The following DNASE1 variants were observed in gnomAD, a reference collection of about 807,000 sequenced individuals.
The protein encoded by DNASE1 is deoxyribonuclease-1.
DNASE1 carries 40 observed loss-of-function variants against 33.9 expected under a neutral mutation model. The observed-to-expected ratio is 1.18, with a 90% CI of 0.92 to 1.54. DNASE1 has a LOEUF of 1.54. Ranked by LOEUF, DNASE1 falls within the 40% of genes most tolerant of loss-of-function variation. The probability of loss-of-function intolerance (pLI) is 0.00; values close to 1 mark genes in which losing one functional copy is unlikely to be tolerated. For synonymous variants in DNASE1, 216 were observed against 160.0 expected, an observed-to-expected ratio of 1.35 and a Z score of -2.64; for missense variants, 518 against 372.6, an observed-to-expected ratio of 1.39 and a Z score of -3.21.
At chr16:3,640,882 G>A (rs1342055493), upstream of DNASE1, 5 of 398,478 alleles carry the variant, frequency 1.3e-5, no homozygotes, top group African/African-American at 8.2e-5. Context: ...GGGCTCAAGC[G>A]AGGACAGGAG....
At chr16:3,621,966 A>T (rs1298679878) in intron 1 of DNASE1, among the ~76,000 whole-genome samples, 1 of 152,208 alleles carries the variant, frequency 6.6e-6, no homozygotes, top group Non-Finnish European at 1.5e-5. Flanking sequence ...CATGCCTGTA[A>T]TGCCAGTACT....
intron 4 of DNASE1, among the ~76,000 whole-genome samples, 191 bp downstream of exon 4, chr16:3,656,376 C>T (rs938459884): frequency 2.0e-5 from 3 of 149,422 alleles, no homozygotes; most frequent in Non-Finnish European, 4.5e-5. Context: ...CCCCCGCCCT[C>T]CTGTCGCCTG....
chr16:3,655,238 A>G, intron 1 of DNASE1, 135 bp from the exon 2 acceptor site: 3 of 1,240,662 alleles, frequency 2.4e-6, no homozygotes, highest in Non-Finnish European at 3.3e-6. Context: ...CGTTGTAGGA[A>G]AGGGTTTCCC....
intron 1 of DNASE1, among the ~76,000 whole-genome samples, chr16:3,620,523 A>G (rs2041270281): frequency 6.6e-6 from 1 of 151,902 alleles, no homozygotes; most frequent in African/African-American, 2.4e-5. Context: ...TGTCTCAAAA[A>G]AAAAAAAAAA....
chr16:3,617,445 T>C (rs1221319182), intron 1 of DNASE1, among the ~76,000 whole-genome samples: 2 of 151,872 alleles, frequency 1.3e-5, no homozygotes, highest in Admixed American at 6.6e-5. Flanking sequence ...AATAATGAAT[T>C]GGATTTAATC....
chr16:3,633,952 G>A (rs1019790861), intron 1 of DNASE1, among the ~76,000 whole-genome samples: 3 of 151,834 alleles, frequency 2.0e-5, no homozygotes, highest in African/African-American at 7.3e-5. Context: ...GGGGCTACAG[G>A]TGCCCACCAC....
chr16:3,656,848 C>A (rs1047911756), intron 5 of DNASE1, 95 bp downstream of exon 5: 1 of 1,536,998 alleles, frequency 6.5e-7, no homozygotes, highest in African/African-American at 1.4e-5. Flanking sequence ...ACACACTGCC[C>A]TCCCAGTCCC....
At chr16:3,653,841 A>AAAAAAG (rs781310896), upstream of DNASE1, 6 of 125,166 alleles carry the variant, frequency 4.8e-5, no homozygotes, top group East Asian at 2.4e-4. Flanking sequence ...AAAAAAAAAA[A>AAAAAAG]CTGAGCATGG....
At position 3,663,717 on chromosome 16, in the gene DNASE1, A is replaced by G. The variant is rs76345172; in HGVS notation, c.*5764A>G. The G allele has an allele frequency of 7.6e-3, 6,507 of 855,504 alleles. 286 individuals carry two copies. In the African/African-American group the frequency reaches 0.097, roughly 13 times the overall value. 53.0% of individuals were successfully genotyped at this position (855,504 alleles called of 1,614,324 possible). On this transcript the variant is annotated 3_prime_UTR_variant, in exon 10 of 10. Coordinates refer to the DNASE1 transcript ENST00000407479. Reference sequence around the variant, plus strand: ...TTCCTAGGCCTGCATGACAGTTACTACGACACCTGGGTCTAAGGAAGGCTC... The same window carrying G: ...TTCCTAGGCCTGCATGACAGTTACTGCGACACCTGGGTCTAAGGAAGGCTC...
At chr16:3,622,364 T>C (rs2041352638) in intron 1 of DNASE1, among the ~76,000 whole-genome samples, 1 of 152,116 alleles carries the variant, frequency 6.6e-6, no homozygotes, top group Non-Finnish European at 1.5e-5. Context: ...TCTTGTAGCT[T>C]TACTTTACAT....
chr16:3,654,939 C>T lies in DNASE1; in HGVS notation c.-107C>T, dbSNP rs1043440926. 4 of 460,194 alleles carry T rather than the reference C, an allele frequency of 8.7e-6. No homozygotes were observed. The highest frequency in any genetic ancestry group is 3.8e-5 in the Admixed American group (1 of 26,174). 28.5% of individuals were successfully genotyped at this position (460,194 alleles called of 1,614,324 possible). ...TTCTTCAGAGACCTTTCTTCATAGA[C>T]TACTTTTTTTTCTTTAAGCAGCAAA... On this transcript the variant is annotated 5_prime_UTR_variant, in exon 1 of 9. Transcript: ENST00000246949.
Position 3,663,454 on chromosome 16 carries a change from T to C in DNASE1, c.*5501T>C, listed in dbSNP as rs763973339. 2.7e-5 allele frequency: 44 copies of C among 1,614,096 alleles called. No individual in the cohort carries two copies. Among genetic ancestry groups the C allele is most frequent in the South Asian group, 2.0e-4 (18 of 91,078 alleles). On this transcript the variant is annotated 3_prime_UTR_variant, in exon 10 of 10. Coordinates refer to the DNASE1 transcript ENST00000407479. ...GACCTGTCCTCAAACTTCTCCTCCT[T>C]GTAGTGATCCACGACTATGTCCGTC...
At chr16:3,619,314 G>T (rs1305424598) in intron 1 of DNASE1, among the ~76,000 whole-genome samples, 3 of 152,114 alleles carry the variant, frequency 2.0e-5, no homozygotes, top group Middle Eastern at 3.4e-3. Flanking sequence ...GGGATTACAG[G>T]CATGAGCCAC....
chr16:3,656,856 C>T, intron 5 of DNASE1, 103 bp downstream of exon 5: 1 of 1,541,512 alleles, frequency 6.5e-7, no homozygotes, highest in Non-Finnish European at 8.8e-7. Flanking sequence ...CCCTCCCAGT[C>T]CCTGGGGCTT....
chr16:3,655,491 A>G lies in DNASE1; in HGVS notation c.118A>G (p.Asn40Asp), dbSNP rs745479565. ...IQTFGETKMS[N>D]ATLVSYIVQI... ...GACATTTGGGGAGACCAAGATGTCC[A>G]ATGCCACCCTCGTCAGCTACATTGT... is the stretch of plus-strand genomic sequence containing the variant. The change falls in exon 2 of 9, where the codon AAT (asparagine) becomes GAT (aspartate). Residue 40 changes from asparagine to aspartate, a missense_variant. Physicochemically the swap from Asn to Asp is conservative, Grantham distance 23. Coordinates refer to ENST00000246949, the MANE Select transcript of DNASE1 (RefSeq NM_005223.4). 1.2e-6 allele frequency: 2 copies of G among 1,614,142 alleles called. No individual in the cohort carries two copies. The highest frequency in any genetic ancestry group is 1.1e-5 in the South Asian group (1 of 91,092).
At chr16:3,664,063 AAAAAAAC>A (rs1442214715) in exon 10 of DNASE1, 3 of 544,578 alleles carry the variant, frequency 5.5e-6, no homozygotes, top group Non-Finnish European at 9.3e-6. Context: ...ACTCCATCTC[AAAAAAAC>A]AAAAAACAAA....
In DNASE1 at chr16:3,654,877, T is replaced by A; in HGVS notation, c.-169T>A. ...CCAGACACGCACTGCCTGTGCAGGA[T>A]CCGGAGCCCAGCAGCACTGCCAGGG... is the stretch of plus-strand genomic sequence containing the variant. On this transcript the variant is annotated 5_prime_UTR_variant, in exon 1 of 9. Transcript: ENST00000246949. 2.3e-6 allele frequency: 1 copy of A among 428,616 alleles called. No individual in the cohort carries two copies. The highest frequency in any genetic ancestry group is 4.1e-6 in the Non-Finnish European group (1 of 244,846). 26.6% of individuals were successfully genotyped at this position (428,616 alleles called of 1,614,324 possible).
chr16:3,636,995 G>A (rs1326907638), intron 1 of DNASE1, among the ~76,000 whole-genome samples: 1 of 149,956 alleles, frequency 6.7e-6, no homozygotes, highest in African/African-American at 2.5e-5. Context: ...ATGGTGGCAG[G>A]CGCCTGTAAT....
chr16:3,654,032 C>G (rs1312777757), upstream of DNASE1: 1 of 189,482 alleles, frequency 5.3e-6, no homozygotes, highest in Non-Finnish European at 1.1e-5. Context: ...TTATCTGAGC[C>G]CTGGCGGTTG....
Sources: allele counts gnomAD v4.1 joint callset (sites outside exome capture counted in the v4.1 genomes callset), GRCh38; gene constraint gnomAD v4.1.1; transcripts MANE v1.5; gene names NCBI Gene and HGNC (gene_info 2026-07-23, HGNC 2026-07-21).